The following COMT variants were observed in gnomAD, a reference collection of about 807,000 sequenced individuals.
COMT encodes catechol O-methyltransferase.
In COMT, 13 loss-of-function variants were observed where a neutral mutation model predicts 18.9. That is an observed-to-expected ratio of 0.69 (90% confidence interval 0.45 to 1.09). The LOEUF (loss-of-function observed/expected upper bound fraction) is 1.09, where lower values mean the gene tolerates loss of function less well. Among genes scored for constraint, COMT ranks in the 50% least tolerant of loss-of-function variants. The pLI, the probability that COMT is intolerant of heterozygous loss-of-function variation, is 0.00. For synonymous variants in COMT, 150 were observed against 160.9 expected, an observed-to-expected ratio of 0.93 and a Z score of 0.51; for missense variants, 329 against 361.8, an observed-to-expected ratio of 0.91 and a Z score of 0.73.
rs749437638 is a variant in COMT, at chr22:19,968,597, C to T, written c.677C>T (p.Ala226Val). 1.2e-5 allele frequency: 20 copies of T among 1,613,946 alleles called. No homozygotes were observed. Among genetic ancestry groups the T allele is most frequent in the Admixed American group, 8.3e-5 (5 of 60,006 alleles). ...GCTGACAACGTGATCTGCCCAGGTGCGCCAGACTTCCTAGCACACGTGCGC... is the reference window on the plus strand; with the variant it reads ...GCTGACAACGTGATCTGCCCAGGTGTGCCAGACTTCCTAGCACACGTGCGC... ...LLADNVICPG[A>V]PDFLAHVRGS... Residue 226 changes from alanine (A) to valine (V), a missense_variant, in exon 6 of 6, where the codon GCG (alanine) becomes GTG (valine). Coordinates refer to ENST00000361682, the MANE Select transcript of COMT (RefSeq NM_000754.4).
intron 1 of COMT, among the ~76,000 whole-genome samples, chr22:19,960,973 G>C (rs574219932): frequency 1.3e-5 from 2 of 152,326 alleles, no homozygotes; most frequent in East Asian, 3.9e-4. Context: ...GACTGCCCCT[G>C]GGGTCCCTGG....
chr22:19,967,630 G>T, intron 5 of COMT: 1 of 316,374 alleles, frequency 3.2e-6, no homozygotes, highest in South Asian at 2.6e-5. Flanking sequence ...AGGCATGTGG[G>T]GTCGGATACC....
rs1325975725 is a variant in COMT at position 19,968,830 on chromosome 22, T to C, written c.*94T>C. On this transcript the variant is annotated 3_prime_UTR_variant, in exon 6 of 6. Coordinates refer to ENST00000361682, the MANE Select transcript of COMT (RefSeq NM_000754.4). ...GCTGACCTTCTGCGGCTCCGGGCTG[T>C]GTCCTAAATGCAAAGCACACCTCGG... 4.1e-6 allele frequency: 5 copies of C among 1,230,534 alleles called. No individual in the cohort carries two copies. The highest frequency in any genetic ancestry group is 1.3e-5 in the South Asian group (1 of 78,824). The allele number at this position is 1,230,534 out of a possible 1,614,324, so 76.2% of individuals were successfully genotyped here. A position where few individuals can be genotyped will look rare whatever the true frequency, so the allele number is the denominator to read the frequency against.
At position 19,968,522 on chromosome 22, in the gene COMT, C is replaced by CG. The variant is rs1569138168; in HGVS notation, c.616-12dup. ...TCTGACCCTCACCTCCCCCACCCCC[C>CG]GGTCTGTTTGCAGGAATGTGGCCTG... On this transcript the variant is annotated splice_polypyrimidine_tract_variant and intron_variant, in intron 5 of 5. Coordinates refer to ENST00000361682, the MANE Select transcript of COMT (RefSeq NM_000754.4). The CG allele has an allele frequency of 6.8e-6, 11 of 1,612,606 alleles. No homozygotes were observed. Among genetic ancestry groups the CG allele is most frequent in the East Asian group, 2.2e-5 (1 of 44,816 alleles).
chr22:19,956,137 CTTTTTTTTTTTTTT>C (rs71186638), intron 1 of COMT, among the ~76,000 whole-genome samples: 3 of 84,818 alleles, frequency 3.5e-5, no homozygotes, highest in Non-Finnish European at 6.3e-5. Flanking sequence ...TTCTTTTTTT[CTTTTTTTTTTTTTT>C]TTTTTTTTTT....
intron 1 of COMT, among the ~76,000 whole-genome samples, chr22:19,946,735 A>G (rs1045198898): frequency 6.6e-6 from 1 of 152,174 alleles, no homozygotes; most frequent in South Asian, 2.1e-4. Context: ...GACACATAGC[A>G]TTTTAAATAA....
intron 5 of COMT, chr22:19,967,630 G>A: frequency 6.3e-6 from 2 of 316,374 alleles, no homozygotes; most frequent in Admixed American, 4.5e-5. Context: ...AGGCATGTGG[G>A]GTCGGATACC....
chr22:19,967,008 G>A, intron 5 of COMT: 1 of 985,450 alleles, frequency 1.0e-6, no homozygotes, highest in East Asian at 1.1e-4. Flanking sequence ...TGAGTAGCTG[G>A]TAGGAGGCTT....
At chr22:19,954,472 G>A (rs1312276158) in intron 1 of COMT, among the ~76,000 whole-genome samples, 1 of 152,156 alleles carries the variant, frequency 6.6e-6, no homozygotes, top group Non-Finnish European at 1.5e-5. Flanking sequence ...TTTGTTTTGA[G>A]ATGGAGTCCC....
At chr22:19,966,450 A>AG (rs1555923582) in intron 5 of COMT, among the ~76,000 whole-genome samples, 3 of 151,390 alleles carry the variant, frequency 2.0e-5, no homozygotes, top group African/African-American at 4.9e-5. Context: ...AAAAAAAAAA[A>AG]AAAAAGAAAA....
chr22:19,968,425 C>T, intron 5 of COMT, 111 bp from the exon 6 acceptor site: 1 of 1,072,124 alleles, frequency 9.3e-7, no homozygotes. Flanking sequence ...GCCCCAGGGG[C>T]TAGGCACAGG....
intron 1 of COMT, among the ~76,000 whole-genome samples, chr22:19,948,120 T>C (rs9332342): frequency 0.14 from 21,729 of 152,310 alleles, 1,885 homozygotes; most frequent in Non-Finnish European, 0.19. Context: ...AATATTCATA[T>C]ATAATCATAT....
chr22:19,941,941 G>A, intron 1 of COMT, 44 bp downstream of exon 1: 1 of 874,002 alleles, frequency 1.1e-6, no homozygotes, highest in Non-Finnish European at 1.6e-6. Context: ...GCCGGATTCG[G>A]GGCGGGGGCC....
intron 1 of COMT, among the ~76,000 whole-genome samples, chr22:19,951,220 G>C (rs1301812358): frequency 6.6e-6 from 1 of 152,036 alleles, no homozygotes; most frequent in Non-Finnish European, 1.5e-5. Flanking sequence ...TTAGCCGGGC[G>C]TTGTGGTGGG....
Position 19,969,751 on chromosome 22 carries a change from G to T in COMT, c.*1015G>T. ...AGTGGACAAGTTTGGGGCCACCCAG[G>T]GACCAGAAACAGAGCCTCTGCAGGA... On this transcript the variant is annotated 3_prime_UTR_variant, in exon 6 of 6. Transcript: ENST00000361682. 1 of 856,480 alleles carries T rather than the reference G, an allele frequency of 1.2e-6. No homozygotes were observed. The highest frequency in any genetic ancestry group is 1.4e-6 in the Non-Finnish European group (1 of 712,530). 53.1% of individuals were successfully genotyped at this position (856,480 alleles called of 1,614,324 possible). A position where few individuals can be genotyped will look rare whatever the true frequency, so the allele number is the denominator to read the frequency against.
At chr22:19,961,010 T>C (rs1473863977) in intron 1 of COMT, among the ~76,000 whole-genome samples, 189 bp from the exon 2 acceptor site, 4 of 152,232 alleles carry the variant, frequency 2.6e-5, no homozygotes, top group Non-Finnish European at 5.9e-5. Context: ...GGGATGTCCC[T>C]TGGCCTCTCT....
At chr22:19,942,312 G>A (rs1369279861) in intron 1 of COMT, among the ~76,000 whole-genome samples, 1 of 152,176 alleles carries the variant, frequency 6.6e-6, no homozygotes, top group African/African-American at 2.4e-5. Flanking sequence ...GCTGGGATCA[G>A]ACTCTCAGAG....
intron 5 of COMT, chr22:19,967,136 C>T: frequency 6.9e-6 from 9 of 1,297,074 alleles, no homozygotes; most frequent in Non-Finnish European, 9.1e-6. Flanking sequence ...CTGCCCTTCC[C>T]TCCTTCTTTC....
chr22:19,945,231 T>C (rs1420180483), intron 1 of COMT, among the ~76,000 whole-genome samples: 3 of 152,126 alleles, frequency 2.0e-5, no homozygotes, highest in African/African-American at 7.2e-5. Flanking sequence ...TATCCCAAGG[T>C]TCCTGGGCCT....
Sources: gnomAD v4.1 joint callset for allele counts (sites outside exome capture counted in the v4.1 genomes callset) on GRCh38, gnomAD v4.1.1 for gene constraint, MANE v1.5 for transcripts, NCBI Gene and HGNC (gene_info 2026-07-23, HGNC 2026-07-21) for gene names.